The following LRRD1 variants were observed in gnomAD, a reference collection of about 807,000 sequenced individuals.
LRRD1 encodes the protein leucine-rich repeat and death domain-containing protein 1.
LRRD1 carries 49 observed loss-of-function variants against 69.5 expected under a neutral mutation model. That is an observed-to-expected ratio of 0.70 (90% CI 0.56 to 0.89). The LOEUF (loss-of-function observed/expected upper bound fraction) is 0.89. LRRD1 is among the 40% of genes least tolerant of loss of function. LRRD1 has a pLI of 0.00. For missense variants in LRRD1, 853 were observed against 956.0 expected (o/e 0.89, Z 1.42); for synonymous variants, 303 against 338.9 (o/e 0.89, Z 1.16).
chr7:92,163,886 A>G lies in LRRD1; in HGVS notation c.1317T>C (p.His439=), dbSNP rs1356015058. The G allele has an allele frequency of 1.8e-5, 27 of 1,522,944 alleles. No homozygotes were observed. In the African/African-American group the frequency reaches 2.8e-4, roughly 16 times the overall value. The allele number at this position is 1,522,944 out of a possible 1,614,324, so 94.3% of individuals were successfully genotyped here. ...NMVKITDCIS[H]LNNICSLEFS... ...ATTCTAGACTGCATATGTTATTAAG[A>G]TGTGAGATACAGTCAGTTATTTTTA... The change falls in exon 2 of 6, where the codon CAT becomes CAC. Residue 439 remains histidine, a synonymous_variant. Transcript: ENST00000458448.
At chr7:92,152,957 C>T (rs768241290) in intron 3 of LRRD1, among the ~76,000 whole-genome samples, 5 of 151,960 alleles carry the variant, frequency 3.3e-5, no homozygotes, top group African/African-American at 7.2e-5. Flanking sequence ...CGTGAGCCAC[C>T]GCGCCCAGCC....
chr7:92,150,408 T>G, intron 4 of LRRD1, 126 bp downstream of exon 4: 19 of 752,010 alleles, frequency 2.5e-5, no homozygotes, highest in Non-Finnish European at 3.3e-5. Context: ...GAGGCTGCAG[T>G]GAGTCGTGAT....
chr7:92,176,763 A>G (rs1789207295), intron 1 of LRRD1, among the ~76,000 whole-genome samples: 2 of 151,872 alleles, frequency 1.3e-5, no homozygotes, highest in African/African-American at 4.8e-5. Flanking sequence ...GGGTTTCTGC[A>G]TGTTAGTCAG....
chr7:92,158,184 G>A (rs1446453100), intron 3 of LRRD1, among the ~76,000 whole-genome samples: 1 of 152,004 alleles, frequency 6.6e-6, no homozygotes, highest in Non-Finnish European at 1.5e-5. Context: ...TCACTTCCAA[G>A]ATTAGGCATT....
In LRRD1 at chr7:92,174,148, G is replaced by T. The variant is rs183006074; in HGVS notation, c.-75+4859C>A. On this transcript the variant is annotated intron_variant, in intron 1 of 5. Coordinates refer to ENST00000458448, the MANE Select transcript of LRRD1 (RefSeq NM_001161528.2). ...AGTAAATGAAGATAGAGAGTAGATT[G>T]GTGGTTACCAGAGGTCAGGAAGGGT... 2.7e-3 allele frequency among the ~76,000 whole-genome samples: 418 copies of T among 152,080 alleles called. 2 individuals are homozygous for T. The highest frequency in any genetic ancestry group is 5.1e-3 in the Non-Finnish European group (347 of 67,980).
At chr7:92,148,841 G>A (rs777035697) in intron 4 of LRRD1, among the ~76,000 whole-genome samples, 32 of 151,700 alleles carry the variant, frequency 2.1e-4, no homozygotes, top group Non-Finnish European at 3.7e-4. Context: ...TCTGCCTCCC[G>A]AGTTCAAGCG....
At chr7:92,166,355 C>T (rs1788909847) in intron 1 of LRRD1, among the ~76,000 whole-genome samples, 2 of 152,156 alleles carry the variant, frequency 1.3e-5, no homozygotes, top group African/African-American at 4.8e-5. Flanking sequence ...TATATTAAAT[C>T]CTGTCAAACT....
chr7:92,160,297 T>C (rs1384958268), intron 2 of LRRD1, among the ~76,000 whole-genome samples: 1 of 152,164 alleles, frequency 6.6e-6, no homozygotes, highest in African/African-American at 2.4e-5. Context: ...CTTCCAGGTA[T>C]AAAGGAAGCA....
chr7:92,157,609 G>C (rs370054891), intron 3 of LRRD1, among the ~76,000 whole-genome samples: 1 of 149,892 alleles, frequency 6.7e-6, no homozygotes, highest in East Asian at 2.0e-4. Context: ...TCACTCTGTC[G>C]CCCAGGCTGG....
intron 4 of LRRD1, among the ~76,000 whole-genome samples, chr7:92,148,599 CT>C (rs1362398486): frequency 6.6e-6 from 1 of 152,056 alleles, no homozygotes; most frequent in African/African-American, 2.4e-5. Flanking sequence ...GATGCCAAGC[CT>C]GCAATATGAA....
At chr7:92,150,097 G>T (rs1454734394) in intron 4 of LRRD1, among the ~76,000 whole-genome samples, 1 of 152,144 alleles carries the variant, frequency 6.6e-6, no homozygotes, top group East Asian at 1.9e-4. Flanking sequence ...AGAAAAGAAA[G>T]ATCATCAATA....
At chr7:92,158,924 G>T in intron 3 of LRRD1, 81 bp downstream of exon 3, 1 of 1,105,504 alleles carries the variant, frequency 9.0e-7, no homozygotes. Context: ...TTGCCATTCT[G>T]TATCTTGTCA....
chr7:92,142,245 A>G (rs893940569), downstream of LRRD1: 1 of 333,546 alleles, frequency 3.0e-6, no homozygotes, highest in Non-Finnish European at 5.8e-6. Flanking sequence ...CCCGGGCTCC[A>G]CAATATTCTT....
At chr7:92,146,289 G>A (rs1162093727) in intron 4 of LRRD1, 89 bp from the exon 5 acceptor site, 5 of 670,694 alleles carry the variant, frequency 7.5e-6, no homozygotes, top group African/African-American at 3.7e-5. Flanking sequence ...TTATTTCTGT[G>A]CTTCTATGAA....
At chr7:92,144,300 G>A (rs1279258353), downstream of LRRD1, among the ~76,000 whole-genome samples, 3 of 152,150 alleles carry the variant, frequency 2.0e-5, no homozygotes, top group African/African-American at 7.2e-5. Context: ...ATCGGGGGTT[G>A]TATAAAAGCA....
At chr7:92,178,002 C>G (rs1280812512) in intron 1 of LRRD1, among the ~76,000 whole-genome samples, 1 of 152,140 alleles carries the variant, frequency 6.6e-6, no homozygotes, top group Non-Finnish European at 1.5e-5. Context: ...GAGGCTGCCA[C>G]CAATTATTTG....
At chr7:92,169,879 A>G (rs1051475386) in intron 1 of LRRD1, among the ~76,000 whole-genome samples, 3 of 151,270 alleles carry the variant, frequency 2.0e-5, no homozygotes, top group Non-Finnish European at 4.4e-5. Context: ...AGACCAGCCT[A>G]GGCAACATAG....
chr7:92,167,707 C>A (rs770465755), intron 1 of LRRD1, among the ~76,000 whole-genome samples: 2 of 150,958 alleles, frequency 1.3e-5, no homozygotes, highest in Admixed American at 6.6e-5. Context: ...GAAATCACGT[C>A]TCTACTAAAA....
intron 3 of LRRD1, 85 bp from the exon 4 acceptor site, chr7:92,150,780 C>T: frequency 1.0e-6 from 1 of 998,580 alleles, no homozygotes; most frequent in East Asian, 2.7e-5. Flanking sequence ...GTCTTGCTGG[C>T]AAAGTACCAG....
Sources: allele counts gnomAD v4.1 joint callset (sites outside exome capture counted in the v4.1 genomes callset), GRCh38; gene constraint gnomAD v4.1.1; transcripts MANE v1.5; gene names NCBI Gene and HGNC (gene_info 2026-07-23, HGNC 2026-07-21).